PDZD2: variants seen among roughly 807,000 people sequenced by gnomAD.
PDZD2 encodes the protein PDZ domain containing 2, also known as PDZ domain-containing protein 2.
In PDZD2, 90 loss-of-function variants were observed where a neutral mutation model predicts 220.7. That is an observed-to-expected ratio of 0.41 (90% CI 0.34 to 0.49). The LOEUF is 0.49. Ranked by LOEUF, PDZD2 falls within the 20% of genes least tolerant of loss-of-function variation. PDZD2 has a pLI of 0.28. For synonymous variants in PDZD2, 1,375 were observed against 1,450.5 expected (o/e 0.95, Z 1.18); for missense variants, 3,174 against 3,608.5 (o/e 0.88, Z 3.08).
intron 1 of PDZD2, among the ~76,000 whole-genome samples, chr5:31,721,617 T>C (rs1748801654): frequency 6.6e-6 from 1 of 151,216 alleles, no homozygotes; most frequent in East Asian, 1.9e-4. Flanking sequence ...AGCATGTATA[T>C]ATTTATGGGC....
At chr5:31,826,518 C>CA (rs577346238) in intron 2 of PDZD2, among the ~76,000 whole-genome samples, 5 of 151,316 alleles carry the variant, frequency 3.3e-5, no homozygotes, top group South Asian at 2.1e-4. Flanking sequence ...ACTAAAAATA[C>CA]AAAAAAAATT....
At chr5:31,905,029 C>T (rs1011954120) in intron 2 of PDZD2, among the ~76,000 whole-genome samples, 48 of 152,012 alleles carry the variant, frequency 3.2e-4, no homozygotes, top group African/African-American at 1.2e-3. Context: ...AGTGCAGTGG[C>T]CCGATCTTAG....
intron 1 of PDZD2, among the ~76,000 whole-genome samples, chr5:31,762,182 A>G (rs900706010): frequency 2.0e-5 from 3 of 152,212 alleles, no homozygotes; most frequent in Non-Finnish European, 4.4e-5. Context: ...TCAACATGAG[A>G]TTTGGGCTGG....
chr5:31,836,159 A>T (rs1212759547), intron 2 of PDZD2, among the ~76,000 whole-genome samples: 1 of 152,152 alleles, frequency 6.6e-6, no homozygotes, highest in Non-Finnish European at 1.5e-5. Flanking sequence ...ATTAAAAAAC[A>T]GCACAGTAAT....
chr5:31,856,932 A>G (rs1449630782), intron 2 of PDZD2, among the ~76,000 whole-genome samples: 1 of 125,704 alleles, frequency 8.0e-6, no homozygotes, highest in Non-Finnish European at 1.7e-5. Flanking sequence ...ATATATATAT[A>G]TATAACTTTA....
intron 5 of PDZD2, among the ~76,000 whole-genome samples, chr5:32,005,730 G>A (rs544859543): frequency 1.3e-4 from 20 of 152,196 alleles, no homozygotes; most frequent in African/African-American, 4.8e-4. Context: ...GACTTAAATC[G>A]AGCACAGCCC....
chr5:32,055,326 C>CA (rs1738995616), intron 10 of PDZD2, among the ~76,000 whole-genome samples: 1 of 152,090 alleles, frequency 6.6e-6, no homozygotes, highest in Non-Finnish European at 1.5e-5. Context: ...CTAAGCTTCC[C>CA]AAGTAGCCAG....
Position 31,674,785 on chromosome 5 carries a change from G to A in PDZD2, c.-361+35348G>A, listed in dbSNP as rs149783686. ...ATGGCTGCTCTTTGTGGCGGGTATG[G>A]TACTGTGAGCTCTATTTTCCATTAT... is the stretch of plus-strand genomic sequence containing the variant. On this transcript the variant is annotated intron_variant, in intron 1 of 24. Transcript: ENST00000438447. Among the ~76,000 whole-genome samples the A allele has an allele frequency of 2.3e-3, 352 of 152,286 alleles. 1 individual carries two copies. Among genetic ancestry groups the A allele is most frequent in the African/African-American group, 8.1e-3 (336 of 41,546 alleles).
chr5:31,795,334 T>A (rs1233662039), intron 1 of PDZD2, among the ~76,000 whole-genome samples: 1 of 152,206 alleles, frequency 6.6e-6, no homozygotes, highest in African/African-American at 2.4e-5. Flanking sequence ...AGTTGGTAGA[T>A]TTTAACACCA....
intron 2 of PDZD2, among the ~76,000 whole-genome samples, chr5:31,870,324 A>G (rs1011401608): frequency 1.3e-5 from 2 of 152,210 alleles, no homozygotes; most frequent in African/African-American, 4.8e-5. Context: ...CAGTTGCCTT[A>G]TATTTAAGTC....
intron 10 of PDZD2, among the ~76,000 whole-genome samples, chr5:32,054,801 C>A (rs1412293017): frequency 6.6e-6 from 1 of 152,088 alleles, no homozygotes; most frequent in African/African-American, 2.4e-5. Flanking sequence ...ACTTAAAAAG[C>A]AATTCCACAT....
rs55673526 is a variant in PDZD2 at position 31,730,592 on chromosome 5, GGT to G, written c.-360-68280_-360-68279del. Among the ~76,000 whole-genome samples, 8 of 121,242 alleles carry G rather than the reference GGT, an allele frequency of 6.6e-5. No individual in the cohort carries two copies. In the South Asian group the frequency reaches 1.1e-3, roughly 17 times the overall value. 79.5% of individuals were successfully genotyped at this position (121,242 alleles called of 152,430 possible). Reference sequence around the variant, plus strand: ...TGTGTGTGTGTGTGTGTGTGTGTGTGGTGTGTGTGTGTGTGTGTAAGGGAGTT... The same window carrying G: ...TGTGTGTGTGTGTGTGTGTGTGTGTGGTGTGTGTGTGTGTGTAAGGGAGTT... On this transcript the variant is annotated intron_variant, in intron 1 of 24. Coordinates refer to ENST00000438447, the MANE Select transcript of PDZD2 (RefSeq NM_178140.4).
At chr5:31,796,300 G>C (rs1441996940) in intron 1 of PDZD2, among the ~76,000 whole-genome samples, 1 of 152,138 alleles carries the variant, frequency 6.6e-6, no homozygotes, top group Non-Finnish European at 1.5e-5. Context: ...GTTAGGGCGA[G>C]GGCAGCAATG....
At chr5:32,019,967 A>C (rs1056581284) in intron 6 of PDZD2, among the ~76,000 whole-genome samples, 1 of 151,990 alleles carries the variant, frequency 6.6e-6, no homozygotes, top group Non-Finnish European at 1.5e-5. Flanking sequence ...TATTTGGTTA[A>C]TTTCAGTTTA....
chr5:31,972,491 G>A (rs1479044121), intron 2 of PDZD2, among the ~76,000 whole-genome samples: 7 of 151,964 alleles, frequency 4.6e-5, no homozygotes, highest in African/African-American at 1.5e-4. Context: ...TTTAATAGGT[G>A]TATCATGTCT....
chr5:31,958,877 C>A (rs954727934), intron 2 of PDZD2, among the ~76,000 whole-genome samples: 7 of 152,196 alleles, frequency 4.6e-5, no homozygotes, highest in African/African-American at 7.2e-5. Context: ...ATCCTCCTGC[C>A]TTGGCCTCCC....
chr5:31,700,008 G>A (rs2150133257), intron 1 of PDZD2, among the ~76,000 whole-genome samples: 1 of 152,262 alleles, frequency 6.6e-6, no homozygotes, highest in African/African-American at 2.4e-5. Flanking sequence ...AGCTCTGTGA[G>A]TTAGAAGGAC....
At chr5:31,686,877 C>T (rs946290405) in intron 1 of PDZD2, among the ~76,000 whole-genome samples, 1 of 152,090 alleles carries the variant, frequency 6.6e-6, no homozygotes, top group African/African-American at 2.4e-5. Context: ...TGTTTCTAGA[C>T]TTTCCTAGGC....
chr5:31,886,756 G>A (rs1371727174), intron 2 of PDZD2, among the ~76,000 whole-genome samples: 1 of 151,368 alleles, frequency 6.6e-6, no homozygotes, highest in East Asian at 1.9e-4. Flanking sequence ...GGAGTGCAGT[G>A]GTGCGATCTC....
Sources: allele counts gnomAD v4.1 joint callset (sites outside exome capture counted in the v4.1 genomes callset), GRCh38; gene constraint gnomAD v4.1.1; transcripts MANE v1.5; gene names NCBI Gene and HGNC (gene_info 2026-07-23, HGNC 2026-07-21).